CLCN5: variants seen among roughly 807,000 people sequenced by gnomAD.
CLCN5 encodes the protein Cl-/H+ antiporter 5.
CLCN5 carries 17 observed loss-of-function variants against 54.0 expected under a neutral mutation model. That is an observed-to-expected ratio of 0.31 (90% CI 0.22 to 0.47). The LOEUF (loss-of-function observed/expected upper bound fraction) is 0.47, where lower values mean the gene tolerates loss of function less well. Among genes scored for constraint, CLCN5 ranks in the 20% least tolerant of loss-of-function variants. The pLI is 1.00. For missense variants in CLCN5, 448 were observed against 646.7 expected (o/e 0.69, Z 3.33); for synonymous variants, 222 against 233.0 (o/e 0.95, Z 0.43).
At chrX:49,946,859 G>A (rs1220188457) in intron 3 of CLCN5, among the ~76,000 whole-genome samples, 1 of 108,742 alleles carries the variant, frequency 9.2e-6, no homozygotes, top group Non-Finnish European at 1.9e-5. Context: ...ATGGAGTTTC[G>A]CTCTTGTTAC....
rs1934227599 is a variant in CLCN5 at position 50,095,322 on chromosome X, G to A, written c.*3103G>A. 8.9e-6 allele frequency: 1 copy of A among 112,228 alleles called. No individual in the cohort carries two copies. Among genetic ancestry groups the A allele is most frequent in the Non-Finnish European group, 1.9e-5 (1 of 53,244 alleles). 9.2% of individuals were successfully genotyped at this position (112,228 alleles called of 1,213,427 possible). ...TAATGCATGATTCGTTATATTGGAG[G>A]GAAAAAGCAGGGGACTGATAATACA... On this transcript the variant is annotated 3_prime_UTR_variant, in exon 15 of 15. Transcript: ENST00000376091.
chrX:49,985,076 A>C (rs932418660), intron 3 of CLCN5, among the ~76,000 whole-genome samples: 13 of 110,950 alleles, frequency 1.2e-4, no homozygotes, highest in Non-Finnish European at 1.9e-5. Flanking sequence ...TTTTTTAGTA[A>C]GTATAACTAA....
intron 3 of CLCN5, among the ~76,000 whole-genome samples, chrX:49,981,726 G>C (rs1380912681): frequency 2.9e-5 from 3 of 102,097 alleles, no homozygotes; most frequent in Middle Eastern, 5.1e-3. Context: ...AAAAGCAAAA[G>C]AACTCAGAGA....
At chrX:50,025,882 A>T in intron 3 of CLCN5, among the ~76,000 whole-genome samples, 1 of 111,275 alleles carries the variant, frequency 9.0e-6, no homozygotes, top group South Asian at 3.8e-4. Context: ...AGTTTCATTG[A>T]TTTCTGCTCT....
intron 3 of CLCN5, among the ~76,000 whole-genome samples, chrX:49,942,796 G>T (rs993240536): frequency 1.8e-5 from 2 of 109,914 alleles, no homozygotes; most frequent in African/African-American, 6.7e-5. Context: ...TCTTAATCCG[G>T]TCTATCATTG....
rs932472104 is a variant in CLCN5, at chrX:50,069,988, T to C, written c.273T>C (p.Asp91=). The change falls in exon 5 of 15, where the codon GAT becomes GAC. Residue 91 remains aspartate, a synonymous_variant. Coordinates refer to ENST00000376091, the MANE Select transcript of CLCN5 (RefSeq NM_001127898.4). ...CCTATGATGATTTCAATACAATTGA[T>C]TGGGTGAGAGAGAAGTCTCGAGACC... The part of the protein sequence containing the change: ...VGTYDDFNTI[D]WVREKSRDRD... 1.4e-5 allele frequency: 17 copies of C among 1,207,664 alleles called. No individual in the cohort carries two copies. The highest frequency in any genetic ancestry group is 1.8e-5 in the Non-Finnish European group (16 of 894,108).
intron 4 of CLCN5, among the ~76,000 whole-genome samples, chrX:50,068,456 G>A (rs1933112103): frequency 9.0e-6 from 1 of 110,795 alleles, no homozygotes; most frequent in Non-Finnish European, 1.9e-5. Context: ...AGATTAACTT[G>A]TTCACCTTTT....
intron 3 of CLCN5, among the ~76,000 whole-genome samples, chrX:49,981,280 C>A (rs1928717497): frequency 8.9e-6 from 1 of 111,878 alleles, no homozygotes; most frequent in African/African-American, 3.2e-5. Flanking sequence ...TATGTGAATT[C>A]TTTTTCCAGT....
chrX:49,945,930 G>C (rs1453681110), intron 3 of CLCN5, among the ~76,000 whole-genome samples: 1 of 106,529 alleles, frequency 9.4e-6, no homozygotes, highest in Non-Finnish European at 1.9e-5. Context: ...CTAATTTTTT[G>C]TATTTTAGTA....
At chrX:49,971,250 ATATTTATATATATTTTTATATATAT>A (rs1192215492) in intron 3 of CLCN5, among the ~76,000 whole-genome samples, 13 of 103,638 alleles carry the variant, frequency 1.3e-4, no homozygotes, top group African/African-American at 3.8e-4. Flanking sequence ...ATTTACATAT[ATATTTATATATATTTTTATATATAT>A]TATTTATATA....
chrX:50,005,613 A>G (rs1557181303), intron 3 of CLCN5, among the ~76,000 whole-genome samples: 1 of 111,947 alleles, frequency 8.9e-6, no homozygotes, highest in Non-Finnish European at 1.9e-5. Context: ...TAATAAACTC[A>G]TAGATTTAAA....
At chrX:49,978,287 G>C (rs1370956715) in intron 3 of CLCN5, among the ~76,000 whole-genome samples, 1 of 112,013 alleles carries the variant, frequency 8.9e-6, no homozygotes, top group African/African-American at 3.2e-5. Context: ...GGACCTTACA[G>C]TTTCATTTTG....
At chrX:50,052,087 A>T (rs1557188431) in intron 4 of CLCN5, among the ~76,000 whole-genome samples, 1 of 112,086 alleles carries the variant, frequency 8.9e-6, no homozygotes, top group East Asian at 2.8e-4. Context: ...AAGAGAAGAC[A>T]TCCTTGCCTT....
At chrX:50,036,589 C>G (rs1433780180) in intron 3 of CLCN5, among the ~76,000 whole-genome samples, 1 of 111,928 alleles carries the variant, frequency 8.9e-6, no homozygotes. Flanking sequence ...AATAGGTACA[C>G]CCATCTGAAA....
chrX:50,075,203 C>G (rs995548993), intron 6 of CLCN5, among the ~76,000 whole-genome samples: 2 of 111,207 alleles, frequency 1.8e-5, no homozygotes, highest in Non-Finnish European at 3.8e-5. Flanking sequence ...CTCCTTTAGC[C>G]TAGAATGCCT....
chrX:49,933,115 A>G (rs1158655570), intron 3 of CLCN5, among the ~76,000 whole-genome samples: 1 of 111,604 alleles, frequency 9.0e-6, no homozygotes, highest in Non-Finnish European at 1.9e-5. Context: ...AAAGAAAGTC[A>G]GGTTGTTAGA....
intron 3 of CLCN5, among the ~76,000 whole-genome samples, chrX:49,977,919 C>T (rs782529134): frequency 8.9e-6 from 1 of 111,839 alleles, no homozygotes; most frequent in East Asian, 2.8e-4. Flanking sequence ...TCTCAATCAC[C>T]TGGGAGAGAG....
chrX:50,080,582 C>G lies in CLCN5; in HGVS notation c.604-12C>G. 1 of 1,205,134 alleles carries G rather than the reference C, an allele frequency of 8.3e-7. No homozygotes were observed. Among genetic ancestry groups the G allele is most frequent in the Admixed American group, 2.2e-5 (1 of 45,632 alleles). On this transcript the variant is annotated splice_polypyrimidine_tract_variant and intron_variant, in intron 7 of 14. Transcript: ENST00000376091. ...CTAGGCTAAAACAAGCTTCTTTTTCCCCCTGTTCCAGGGAGCCTTTGCCTA... is the reference window on the plus strand; with the variant it reads ...CTAGGCTAAAACAAGCTTCTTTTTCGCCCTGTTCCAGGGAGCCTTTGCCTA...
intron 3 of CLCN5, among the ~76,000 whole-genome samples, chrX:49,930,186 C>A (rs1028299016): frequency 8.9e-6 from 1 of 111,781 alleles, no homozygotes; most frequent in African/African-American, 3.3e-5. Context: ...CCATTTTCTC[C>A]AGTATAATTT....
Sources: gnomAD v4.1 joint callset for allele counts (sites outside exome capture counted in the v4.1 genomes callset) on GRCh38, gnomAD v4.1.1 for gene constraint, MANE v1.5 for transcripts, NCBI Gene and HGNC (gene_info 2026-07-23, HGNC 2026-07-21) for gene names.